Variants in PRIM2 observed in about 807,000 individuals in gnomAD.
The protein encoded by PRIM2 is DNA primase subunit 2, also known as DNA primase large subunit.
In PRIM2, 39 loss-of-function variants were observed where a neutral mutation model predicts 67.3. The ratio of observed to expected loss-of-function variants is 0.58; its 90% CI spans 0.45 to 0.76. The LOEUF (loss-of-function observed/expected upper bound fraction) is 0.76. Ranked by LOEUF, PRIM2 falls within the 30% of genes least tolerant of loss-of-function variation. PRIM2 has a pLI of 0.00. For synonymous variants in PRIM2, 143 were observed against 198.7 expected (o/e 0.72, Z 2.36); for missense variants, 398 against 598.7 (o/e 0.66, Z 3.50).
intron 7 of PRIM2, among the ~76,000 whole-genome samples, chr6:57,457,098 C>G (rs1157435071): frequency 6.6e-6 from 1 of 152,190 alleles, no homozygotes. Context: ...AGCTGCAGAA[C>G]AGCAGATATT....
intron 7 of PRIM2, among the ~76,000 whole-genome samples, chr6:57,468,413 T>G (rs1161396765): frequency 6.6e-6 from 1 of 152,176 alleles, no homozygotes; most frequent in Non-Finnish European, 1.5e-5. Context: ...TTGGTTCTGT[T>G]TATGTGATGG....
chr6:57,246,669 C>T, the PRIM2 span, among the ~76,000 whole-genome samples: 1 of 152,252 alleles, frequency 6.6e-6, no homozygotes, highest in South Asian at 2.1e-4. Flanking sequence ...AGAGAGAACA[C>T]TGTGATAACC....
chr6:57,436,792 C>T (rs1433839901), intron 7 of PRIM2, among the ~76,000 whole-genome samples: 1 of 152,096 alleles, frequency 6.6e-6, no homozygotes, highest in East Asian at 1.9e-4. Context: ...CCCCAGGAGT[C>T]TCATGGGTAT....
Position 57,586,770 on chromosome 6 carries a change from G to C in PRIM2, c.1021-14323G>C, listed in dbSNP as rs1427643854. Among the ~76,000 whole-genome samples the C allele has an allele frequency of 5.7e-3, 872 of 152,302 alleles. 4 individuals carry two copies. The highest frequency in any genetic ancestry group is 9.2e-3 in the Non-Finnish European group (626 of 68,016). On this transcript the variant is annotated intron_variant, in intron 10 of 13. Coordinates refer to ENST00000615550, the MANE Select transcript of PRIM2 (RefSeq NM_000947.5). ...CCAGCCCAGGCTTGCCAAAGGCTCTGTGGATGAATAGTCTTGCTAACAGAT... is the reference window on the plus strand; with the variant it reads ...CCAGCCCAGGCTTGCCAAAGGCTCTCTGGATGAATAGTCTTGCTAACAGAT...
At chr6:57,602,411 A>G (rs1776487238) in intron 11 of PRIM2, among the ~76,000 whole-genome samples, 1 of 152,126 alleles carries the variant, frequency 6.6e-6, no homozygotes, top group East Asian at 1.9e-4. Context: ...GTGCTTTTTT[A>G]GGAATGCAGA....
In PRIM2 at chr6:57,464,768, C is replaced by T. The variant is rs1274168302; in HGVS notation, c.694-42619C>T. The stretch of plus-strand genomic sequence containing the variant: ...TTCCTGTGTGCCAGGCACTATTCTC[C>T]TCCTCTCCATCATCATCATTGTTTC... On this transcript the variant is annotated intron_variant, in intron 7 of 13. Coordinates refer to ENST00000615550, the MANE Select transcript of PRIM2 (RefSeq NM_000947.5). 2.9e-3 allele frequency among the ~76,000 whole-genome samples: 437 copies of T among 152,228 alleles called. 2 individuals carry two copies. The highest frequency in any genetic ancestry group is 0.01 in the African/African-American group (420 of 41,520).
intron 8 of PRIM2, among the ~76,000 whole-genome samples, chr6:57,525,900 G>C (rs1554349315): frequency 0.014 from 2,091 of 152,204 alleles, 43 homozygotes; most frequent in African/African-American, 0.048. Context: ...TGAGAGATAG[G>C]GGGGTTGTAC....
rs1157834448 is a variant in PRIM2 at position 57,508,262 on chromosome 6, C to T, written c.761+808C>T. Among the ~76,000 whole-genome samples the T allele has an allele frequency of 3.9e-5, 6 of 151,974 alleles. No homozygotes were observed. In the East Asian group the frequency reaches 7.7e-4, roughly 20 times the overall value. On this transcript the variant is annotated intron_variant, in intron 8 of 13. Coordinates refer to ENST00000615550, the MANE Select transcript of PRIM2 (RefSeq NM_000947.5). Reference sequence around the variant, plus strand: ...CTTTCTGTGTTTTTGTTGTTGTTGTCGTTGTTGTTTTTTACTTAGTGTTGA... The same window carrying T: ...CTTTCTGTGTTTTTGTTGTTGTTGTTGTTGTTGTTTTTTACTTAGTGTTGA...
chr6:57,361,723 A>G (rs1370936185), intron 5 of PRIM2, among the ~76,000 whole-genome samples: 1 of 151,836 alleles, frequency 6.6e-6, no homozygotes, highest in East Asian at 1.9e-4. Flanking sequence ...ATATTATTTT[A>G]TAGCTAATAT....
At chr6:57,505,500 C>G (rs1349805520) in intron 7 of PRIM2, among the ~76,000 whole-genome samples, 1 of 152,066 alleles carries the variant, frequency 6.6e-6, no homozygotes, top group South Asian at 2.1e-4. Flanking sequence ...GTAATGCCAC[C>G]TAAAAGGAAA....
intron 5 of PRIM2, among the ~76,000 whole-genome samples, chr6:57,331,000 G>A (rs907202179): frequency 6.6e-6 from 1 of 151,826 alleles, no homozygotes; most frequent in Admixed American, 6.6e-5. Context: ...GACCAACATA[G>A]TGAAACCCCG....
At chr6:57,232,232 G>A in the PRIM2 span, among the ~76,000 whole-genome samples, 1 of 152,176 alleles carries the variant, frequency 6.6e-6, no homozygotes, top group East Asian at 1.9e-4. Context: ...TCCAGATTCT[G>A]GTCCTCAAAT....
intron 7 of PRIM2, among the ~76,000 whole-genome samples, chr6:57,500,578 G>A (rs1408867664): frequency 4.6e-5 from 7 of 152,324 alleles, no homozygotes; most frequent in South Asian, 2.1e-4. Context: ...TAGACAAAAC[G>A]TAGGGAAGTT....
At chr6:57,420,249 A>G (rs986240455) in intron 7 of PRIM2, among the ~76,000 whole-genome samples, 1 of 152,194 alleles carries the variant, frequency 6.6e-6, no homozygotes, top group Non-Finnish European at 1.5e-5. Context: ...TCGTGCCTGT[A>G]ATCTCAGCAC....
chr6:57,606,270 C>T (rs1455826979), intron 11 of PRIM2, 105 bp from the exon 12 acceptor site: 6 of 798,280 alleles, frequency 7.5e-6, no homozygotes, highest in Non-Finnish European at 1.3e-5. Flanking sequence ...TATTAATAAG[C>T]TGTTAGACAA....
At chr6:57,296,666 T>C in the PRIM2 span, among the ~76,000 whole-genome samples, 1 of 151,916 alleles carries the variant, frequency 6.6e-6, no homozygotes, top group Non-Finnish European at 1.5e-5. Flanking sequence ...TGTGCGTGTC[T>C]GTGCATACTT....
At chr6:57,279,532 A>G in the PRIM2 span, among the ~76,000 whole-genome samples, 1 of 151,996 alleles carries the variant, frequency 6.6e-6, no homozygotes, top group Non-Finnish European at 1.5e-5. Flanking sequence ...GGCTCCAGTC[A>G]CCCTCTGTTT....
At chr6:57,307,211 C>G in the PRIM2 span, among the ~76,000 whole-genome samples, 2 of 149,760 alleles carry the variant, frequency 1.3e-5, no homozygotes. Flanking sequence ...AAGATTCTGT[C>G]TCAAAAAATA....
At chr6:57,627,937 T>G (rs1776981069) in intron 12 of PRIM2, among the ~76,000 whole-genome samples, 1 of 152,246 alleles carries the variant, frequency 6.6e-6, no homozygotes, top group Non-Finnish European at 1.5e-5. Context: ...GGGAAACTTC[T>G]GGCCCCAGCA....
Sources: gnomAD v4.1 joint callset for allele counts (sites outside exome capture counted in the v4.1 genomes callset) on GRCh38, gnomAD v4.1.1 for gene constraint, MANE v1.5 for transcripts, NCBI Gene and HGNC (gene_info 2026-07-23, HGNC 2026-07-21) for gene names.